The following PARP10 variants were observed in gnomAD, a reference collection of about 807,000 sequenced individuals.
The protein encoded by PARP10 is poly(ADP-ribose) polymerase family member 10, also known as protein mono-ADP-ribosyltransferase PARP10.
In PARP10, 56 loss-of-function variants were observed where a neutral mutation model predicts 82.4. The ratio of observed to expected loss-of-function variants is 0.68; its 90% CI spans 0.55 to 0.85. The LOEUF (loss-of-function observed/expected upper bound fraction) is 0.85, where lower values mean the gene tolerates loss of function less well. Ranked by LOEUF, PARP10 falls within the 40% of genes least tolerant of loss-of-function variation. PARP10 has a pLI of 0.00. For synonymous variants in PARP10, 576 were observed against 601.1 expected (o/e 0.96, Z 0.61); for missense variants, 1,227 against 1,379.4 (o/e 0.89, Z 1.75).
upstream of PARP10, chr8:143,988,835 C>G (rs372098925): frequency 6.6e-6 from 1 of 152,182 alleles, no homozygotes; most frequent in Non-Finnish European, 1.5e-5. Context: ...GTAGAAGTTA[C>G]CTTCTACAAG....
At chr8:143,997,302 A>G (rs1834170744) in intron 1 of PARP10, among the ~76,000 whole-genome samples, 1 of 152,040 alleles carries the variant, frequency 6.6e-6, no homozygotes, top group South Asian at 2.1e-4. Context: ...TGTCATCCAC[A>G]TCTCTTGCCC....
chr8:143,999,358 AC>A (rs1283883108), intron 1 of PARP10, among the ~76,000 whole-genome samples: 1 of 151,410 alleles, frequency 6.6e-6, no homozygotes, highest in African/African-American at 2.4e-5. Flanking sequence ...ATGCACCACC[AC>A]CCCTGGCTAA....
At chr8:143,992,434 G>T, upstream of PARP10, 1 of 1,613,726 alleles carries the variant, frequency 6.2e-7, no homozygotes. Flanking sequence ...CCCAGGCCCA[G>T]CCCCATGGCC....
intron 1 of PARP10, among the ~76,000 whole-genome samples, chr8:144,000,578 C>G (rs1181232349): frequency 6.6e-6 from 1 of 152,018 alleles, no homozygotes. Flanking sequence ...TGCAGTGAGC[C>G]GAGATCACGC....
chr8:143,986,437 T>C lies in PARP10; in HGVS notation c.-78A>G, dbSNP rs1407130219. The C allele has an allele frequency of 1.1e-5, 18 of 1,610,884 alleles. No individual in the cohort carries two copies. Among genetic ancestry groups the C allele is most frequent in the Admixed American group, 1.7e-5 (1 of 59,816 alleles). On this transcript the variant is annotated 5_prime_UTR_variant, in exon 1 of 11. Coordinates refer to ENST00000313028, the MANE Select transcript of PARP10 (RefSeq NM_032789.5). ...GCCTGCCCCTCAGCAAGCCTAACCC[T>C]GCTGGGAGCAGGAAAACAAAAGTGA...
intron 4 of PARP10, 41 bp from the exon 5 acceptor site, chr8:143,985,369 G>T (rs782211510): frequency 6.3e-7 from 1 of 1,592,680 alleles, no homozygotes; most frequent in South Asian, 1.1e-5. Context: ...TCAGATTTCT[G>T]CAGGAGAGGG....
At chr8:143,980,641 T>C (rs1833830019) in intron 9 of PARP10, among the ~76,000 whole-genome samples, 2 of 152,036 alleles carry the variant, frequency 1.3e-5, no homozygotes, top group African/African-American at 4.8e-5. Context: ...AAGGAGATAC[T>C]CCCACTAAAC....
intron 1 of PARP10, among the ~76,000 whole-genome samples, chr8:144,006,053 C>T (rs375058470): frequency 6.6e-6 from 1 of 152,152 alleles, no homozygotes; most frequent in Non-Finnish European, 1.5e-5. Context: ...ATCCTAGGGC[C>T]CCCCTAACCC....
At chr8:143,996,789 T>C (rs1834167645) in intron 1 of PARP10, among the ~76,000 whole-genome samples, 1 of 151,988 alleles carries the variant, frequency 6.6e-6, no homozygotes, top group Non-Finnish European at 1.5e-5. Context: ...GGGAAGCAGG[T>C]AGAAGAAGGA....
chr8:143,985,200 G>T lies in PARP10; in HGVS notation c.802C>A (p.Gln268Lys), dbSNP rs782728319. ...NTSGGDHPSTQGPRATKHALL... is the reference protein window; with the variant it reads ...NTSGGDHPSTKGPRATKHALL... The stretch of plus-strand genomic sequence containing the variant: ...GCATGCTTGGTAGCCCTAGGCCCCT[G>T]GGTGGACGGGTGGTCCCCTCCACTG... The change falls in exon 5 of 11, where the codon CAG becomes AAG. Residue 268 changes from glutamine (Q) to lysine (K), a missense_variant. Physicochemically the swap from Gln to Lys is moderately conservative, Grantham distance 53. Coordinates refer to ENST00000313028, the MANE Select transcript of PARP10 (RefSeq NM_032789.5). 3.7e-6 allele frequency: 6 copies of T among 1,614,122 alleles called. No individual in the cohort carries two copies. The South Asian group carries it at 6.6e-5, about 18-fold the overall frequency.
rs551490452 is a variant in PARP10, at chr8:144,011,375, C to T, written c.-80+1155G>A. Among the ~76,000 whole-genome samples, 428 of 152,192 alleles carry T rather than the reference C, an allele frequency of 2.8e-3. 1 individual carries two copies. Among genetic ancestry groups the T allele is most frequent in the African/African-American group, 9.9e-3 (412 of 41,538 alleles). On this transcript the variant is annotated intron_variant, in intron 1 of 3. Transcript: ENST00000530478. The surrounding 1 kb of genome is among the most constrained non-coding windows in gnomAD (Gnocchi z 4.5). ...ATTAGAGGAGGGGTGGGGGTAGGCC[C>T]CCCATTGTGAGGTCCAGGCAGAATG...
At chr8:143,992,099 T>C, upstream of PARP10, 1 of 1,611,802 alleles carries the variant, frequency 6.2e-7, no homozygotes, top group African/African-American at 1.3e-5. Flanking sequence ...AACCTGAGCC[T>C]CTGTGCCTGG....
At chr8:144,004,602 C>G (rs1834222835) in intron 1 of PARP10, among the ~76,000 whole-genome samples, 1 of 152,212 alleles carries the variant, frequency 6.6e-6, no homozygotes, top group African/African-American at 2.4e-5. Context: ...AACCAAGCCC[C>G]TCTGTCTCCT....
At chr8:144,005,186 A>G (rs1834227320) in intron 1 of PARP10, among the ~76,000 whole-genome samples, 1 of 151,870 alleles carries the variant, frequency 6.6e-6, no homozygotes, top group African/African-American at 2.4e-5. Flanking sequence ...CTCAAAAAAA[A>G]AAAAAAAGCT....
At chr8:144,010,889 A>G (rs1834275357) in intron 1 of PARP10, among the ~76,000 whole-genome samples, 1 of 151,930 alleles carries the variant, frequency 6.6e-6, no homozygotes. Context: ...TGCCTCAAAA[A>G]AATAAATAAA....
upstream of PARP10, chr8:143,991,373 C>A: frequency 8.3e-7 from 1 of 1,206,768 alleles, no homozygotes; most frequent in Non-Finnish European, 1.2e-6. Flanking sequence ...TCCAGCCCTC[C>A]CCCTACGGTC....
chr8:143,985,944 G>A lies in PARP10; in HGVS notation c.213C>T (p.His71=), dbSNP rs11136345. 662,113 of 1,576,682 alleles carry A rather than the reference G, an allele frequency of 0.42. 143,477 individuals carry two copies. Among genetic ancestry groups the A allele is most frequent in the African/African-American group, 0.6 (44,875 of 74,248 alleles). The part of the protein sequence containing the change: ...DAERVLAQAD[H]ELHGAQLSLR... Reference sequence around the variant, plus strand: ...GGCTCAGCTGGGCACCATGTAGTTCGTGATCTGCCTGGGCCAAGACCCTCT... The same window carrying A: ...GGCTCAGCTGGGCACCATGTAGTTCATGATCTGCCTGGGCCAAGACCCTCT... The change falls in exon 3 of 11, where the codon CAC becomes CAT. Residue 71 remains histidine, a synonymous_variant. Coordinates refer to ENST00000313028, the MANE Select transcript of PARP10 (RefSeq NM_032789.5).
chr8:143,983,386 G>C lies in PARP10; in HGVS notation c.2203C>G (p.Gln735Glu). ...ALRAALEVHV[Q>E]EETVGPWRRT... ...CGCCAGGGCCCCACCGTCTCCTCCT[G>C]GACGTGGACCTCCAAGGCAGCCCTG... The change falls in exon 8 of 11, where the codon CAG becomes GAG. Residue 735 changes from glutamine (Q) to glutamate (E), a missense_variant. Transcript: ENST00000313028. The C allele has an allele frequency of 6.2e-7, 1 of 1,605,680 alleles. No individual in the cohort carries two copies. The highest frequency in any genetic ancestry group is 8.5e-7 in the Non-Finnish European group (1 of 1,179,152).
chr8:143,977,309 C>T lies in PARP10; in HGVS notation c.*175G>A. ...GGTCGGCCCAGGCTGGGACCTAGCC[C>T]GGCCCCCCTCGGCCGCTGCTGACCG... On this transcript the variant is annotated 3_prime_UTR_variant, in exon 11 of 11. Coordinates refer to ENST00000313028, the MANE Select transcript of PARP10 (RefSeq NM_032789.5). 1.4e-6 allele frequency: 1 copy of T among 702,438 alleles called. No homozygotes were observed. The highest frequency in any genetic ancestry group is 2.3e-6 in the Non-Finnish European group (1 of 434,000). The allele number at this position is 702,438 out of a possible 1,614,324, so 43.5% of individuals were successfully genotyped here.
Sources: gnomAD v4.1 joint callset for allele counts (sites outside exome capture counted in the v4.1 genomes callset) on GRCh38, gnomAD v4.1.1 for gene constraint, Gnocchi (gnomAD v3.1) non-coding constraint, MANE v1.5 for transcripts, NCBI Gene and HGNC (gene_info 2026-07-23, HGNC 2026-07-21) for gene names.